MARCHF2: variants seen among roughly 807,000 people sequenced by gnomAD.
MARCHF2 encodes E3 ubiquitin-protein ligase MARCHF2.
Under a neutral mutation model 24.0 loss-of-function variants are expected in MARCHF2, and 22 were observed. That is an observed-to-expected ratio of 0.92 (90% CI 0.66 to 1.31). The LOEUF (loss-of-function observed/expected upper bound fraction) is 1.31. MARCHF2 is among the 50% of genes most tolerant of loss of function. The pLI is 0.00. For missense variants in MARCHF2, 301 were observed against 335.3 expected, an observed-to-expected ratio of 0.90 and a Z score of 0.80; for synonymous variants, 154 against 153.0, an observed-to-expected ratio of 1.01 and a Z score of -0.05.
At chr19:8,415,721 C>CACA (rs1967059754) in intron 1 of MARCHF2, among the ~76,000 whole-genome samples, 1 of 17,850 alleles carries the variant, frequency 5.6e-5, no homozygotes, top group Non-Finnish European at 1.1e-4. Flanking sequence ...AACTCCATCT[C>CACA]AAAAAAAAAA....
Position 8,430,838 on chromosome 19 carries a change from C to T in MARCHF2, c.553C>T (p.Leu185Phe). The change falls in exon 4 of 5, where the codon CTC becomes TTC. Residue 185 changes from leucine (L) to phenylalanine (F), a missense_variant. Physicochemically the swap from Leu to Phe is conservative, Grantham distance 22. Transcript: ENST00000215555. The surrounding 1 kb of genome is among the most constrained non-coding windows in gnomAD (Gnocchi z 4.4). ...GGGTCTCATTGCCCTCACCATCGCC[C>T]TCTTCACCATCTATGTCCTCTGGAC... ...AVGLIALTIA[L>F]FTIYVLWTLV... The T allele has an allele frequency of 1.9e-6, 3 of 1,609,826 alleles. No homozygotes were observed. Among genetic ancestry groups the T allele is most frequent in the Non-Finnish European group, 1.7e-6 (2 of 1,179,688 alleles).
At chr19:8,422,702 A>ATTTT (rs79474553) in intron 2 of MARCHF2, among the ~76,000 whole-genome samples, 2 of 97,112 alleles carry the variant, frequency 2.1e-5, no homozygotes, top group African/African-American at 9.1e-5. Flanking sequence ...CTCTTTTTAA[A>ATTTT]TTTTTTTTTT....
chr19:8,419,697 A>T (rs375535033), intron 1 of MARCHF2, among the ~76,000 whole-genome samples: 7 of 132,564 alleles, frequency 5.3e-5, no homozygotes, highest in Admixed American at 2.3e-4. Context: ...GCGCCTGTAG[A>T]CCCAGCTACT....
chr19:8,423,726 G>A (rs989543212), intron 2 of MARCHF2: 2 of 152,104 alleles, frequency 1.3e-5, no homozygotes, highest in Non-Finnish European at 2.9e-5. Flanking sequence ...CCAGGCAGGC[G>A]TGGTCGCTCA....
At chr19:8,433,006 C>T (rs7259752) in intron 4 of MARCHF2, among the ~76,000 whole-genome samples, 1,816 of 150,970 alleles carry the variant, frequency 0.012, 42 homozygotes, top group African/African-American at 0.041. Flanking sequence ...ATTGCTTGAG[C>T]TTACGAGTTT....
intron 1 of MARCHF2, among the ~76,000 whole-genome samples, chr19:8,421,066 C>T (rs1307396087): frequency 6.6e-6 from 1 of 151,716 alleles, no homozygotes; most frequent in Non-Finnish European, 1.5e-5. Context: ...TTCAAAGCAC[C>T]GGGACTATAG....
intron 3 of MARCHF2, among the ~76,000 whole-genome samples, chr19:8,429,998 A>C (rs549030865): frequency 1.3e-5 from 2 of 151,932 alleles, no homozygotes; most frequent in African/African-American, 4.8e-5. Context: ...CAGTTTCCCC[A>C]TCTGTAAAAT....
intron 2 of MARCHF2, among the ~76,000 whole-genome samples, chr19:8,424,247 T>C (rs1428882929): frequency 6.6e-6 from 1 of 152,124 alleles, no homozygotes; most frequent in Non-Finnish European, 1.5e-5. Flanking sequence ...ATGCTTTTTA[T>C]TTCTATTTCC....
At chr19:8,436,221 G>T (rs958187673) in intron 4 of MARCHF2, among the ~76,000 whole-genome samples, 1 of 151,600 alleles carries the variant, frequency 6.6e-6, no homozygotes, top group Non-Finnish European at 1.5e-5. Context: ...TGCAACTTCC[G>T]CCTCCTGGGT....
chr19:8,421,049 C>A (rs1374363904), intron 1 of MARCHF2, among the ~76,000 whole-genome samples: 1 of 151,924 alleles, frequency 6.6e-6, no homozygotes, highest in Non-Finnish European at 1.5e-5. Flanking sequence ...ATCCTCCTAC[C>A]TTGGCTTTCA....
intron 2 of MARCHF2, among the ~76,000 whole-genome samples, chr19:8,425,411 A>AG (rs1967370827): frequency 6.6e-6 from 1 of 151,586 alleles, no homozygotes; most frequent in Admixed American, 6.6e-5. Flanking sequence ...AAAAAAAAAA[A>AG]GAAAATTTTT....
intron 3 of MARCHF2, among the ~76,000 whole-genome samples, chr19:8,427,298 C>G (rs941824101): frequency 4.6e-5 from 7 of 151,942 alleles, no homozygotes; most frequent in African/African-American, 1.7e-4. Flanking sequence ...ATCTGCCCAC[C>G]TCAGCCTCCC....
Position 8,438,590 on chromosome 19 carries a change from C to T in MARCHF2, c.*44C>T, listed in dbSNP as rs375801749. On this transcript the variant is annotated 3_prime_UTR_variant, in exon 5 of 5. Transcript: ENST00000215555. ...CCTGCAGCAGAGAGGCCAGAGGTAG[C>T]TGGTGATACCCTGTCCTGTGGAAGG... 2 of 1,599,568 alleles carry T rather than the reference C, an allele frequency of 1.3e-6. No homozygotes were observed. Among genetic ancestry groups the T allele is most frequent in the Non-Finnish European group, 1.7e-6 (2 of 1,171,482 alleles).
intron 1 of MARCHF2, among the ~76,000 whole-genome samples, chr19:8,415,170 G>A (rs1219696133): frequency 2.0e-5 from 3 of 152,008 alleles, no homozygotes; most frequent in Non-Finnish European, 2.9e-5. Flanking sequence ...AGGCCAAGGC[G>A]GGCAGATCAC....
At chr19:8,420,933 G>T (rs984759483) in intron 1 of MARCHF2, among the ~76,000 whole-genome samples, 6 of 152,018 alleles carry the variant, frequency 3.9e-5, no homozygotes, top group African/African-American at 1.4e-4. Flanking sequence ...AAAGTGCTGG[G>T]ATTACAGGTG....
chr19:8,415,721 C>CA (rs1309501077), intron 1 of MARCHF2, among the ~76,000 whole-genome samples: 1,077 of 17,618 alleles, frequency 0.061, 71 homozygotes, highest in Non-Finnish European at 0.073. Flanking sequence ...AACTCCATCT[C>CA]AAAAAAAAAA....
At chr19:8,422,612 C>A (rs1568236731) in intron 2 of MARCHF2, among the ~76,000 whole-genome samples, 1 of 148,676 alleles carries the variant, frequency 6.7e-6, no homozygotes, top group African/African-American at 2.5e-5. Flanking sequence ...AGGCTGGTCT[C>A]AAACTCCTGA....
intron 4 of MARCHF2, among the ~76,000 whole-genome samples, chr19:8,435,693 CCACACCTGGCTAGT>C (rs1599718117): frequency 7.8e-5 from 1 of 12,886 alleles, no homozygotes; most frequent in East Asian, 0.017. Flanking sequence ...GTGCCCACTA[CCACACCTGGCTAGT>C]TTTTGTATTT....
intron 4 of MARCHF2, among the ~76,000 whole-genome samples, chr19:8,434,799 C>T (rs184331041): frequency 1.2e-3 from 186 of 152,108 alleles, no homozygotes; most frequent in African/African-American, 3.8e-3. Flanking sequence ...TTCCGCCTCC[C>T]GGGTTCAAGC....
Sources: gnomAD v4.1 joint callset for allele counts (sites outside exome capture counted in the v4.1 genomes callset) on GRCh38, gnomAD v4.1.1 for gene constraint, Gnocchi (gnomAD v3.1) non-coding constraint, MANE v1.5 for transcripts, NCBI Gene and HGNC (gene_info 2026-07-23, HGNC 2026-07-21) for gene names.